Variants in EYA1 observed in about 807,000 individuals in gnomAD.
EYA1 encodes the protein protein phosphatase EYA1.
In EYA1, 16 loss-of-function variants were observed where a neutral mutation model predicts 82.0. That is an observed-to-expected ratio of 0.20 (90% CI 0.13 to 0.30). EYA1 has a LOEUF of 0.30. Ranked by LOEUF, EYA1 falls within the 10% of genes least tolerant of loss-of-function variation. EYA1 has a pLI of 1.00. For synonymous variants in EYA1, 261 were observed against 264.4 expected, an observed-to-expected ratio of 0.99 and a Z score of 0.12; for missense variants, 633 against 730.7, an observed-to-expected ratio of 0.87 and a Z score of 1.54.
intron 9 of EYA1, among the ~76,000 whole-genome samples, chr8:71,298,426 G>A (rs1296544753): frequency 6.6e-6 from 1 of 152,176 alleles, no homozygotes; most frequent in Non-Finnish European, 1.5e-5. Context: ...ACCATTAAGA[G>A]TTCTAGAAAG....
At chr8:71,279,969 AC>A (rs1275660599) in intron 9 of EYA1, among the ~76,000 whole-genome samples, 1 of 152,016 alleles carries the variant, frequency 6.6e-6, no homozygotes, top group Non-Finnish European at 1.5e-5. Context: ...CAACCATTCC[AC>A]TCTGCTGTCA....
chr8:71,246,236 AT>A (rs1813073663), intron 11 of EYA1, among the ~76,000 whole-genome samples: 1 of 152,176 alleles, frequency 6.6e-6, no homozygotes, highest in African/African-American at 2.4e-5. Flanking sequence ...ATGATATACT[AT>A]TTTATTGTCA....
chr8:71,546,823 A>C (rs1026945084), intron 1 of EYA1, among the ~76,000 whole-genome samples: 4 of 152,106 alleles, frequency 2.6e-5, no homozygotes, highest in Non-Finnish European at 5.9e-5. Context: ...TGAATATATA[A>C]TCAATTCACG....
intron 2 of EYA1, among the ~76,000 whole-genome samples, chr8:71,472,920 G>A (rs528515191): frequency 2.0e-5 from 3 of 151,452 alleles, no homozygotes; most frequent in African/African-American, 7.2e-5. Context: ...TGGGGTGGGA[G>A]AAGAGTATAT....
intron 11 of EYA1, among the ~76,000 whole-genome samples, chr8:71,260,622 C>T (rs768711885): frequency 5.8e-4 from 89 of 152,144 alleles, no homozygotes; most frequent in Non-Finnish European, 9.0e-4. Context: ...TTTCAGAAAG[C>T]ATGACTAGTT....
chr8:71,266,551 A>T (rs1399481827), intron 11 of EYA1, among the ~76,000 whole-genome samples: 1 of 152,200 alleles, frequency 6.6e-6, no homozygotes, highest in Non-Finnish European at 1.5e-5. Flanking sequence ...CTGGCCAGGA[A>T]AAGACACCTC....
chr8:71,259,611 C>A (rs1356572745), intron 11 of EYA1, among the ~76,000 whole-genome samples: 1 of 152,172 alleles, frequency 6.6e-6, no homozygotes, highest in South Asian at 2.1e-4. Context: ...TAGTGGCAAA[C>A]ACCAACCCCT....
chr8:71,396,030 G>A (rs1829589215), intron 2 of EYA1, among the ~76,000 whole-genome samples: 1 of 152,154 alleles, frequency 6.6e-6, no homozygotes. Flanking sequence ...GAGGGTGTAT[G>A]TGTCGAGGAA....
At chr8:71,495,156 T>C (rs1344922129) in intron 2 of EYA1, among the ~76,000 whole-genome samples, 1 of 152,252 alleles carries the variant, frequency 6.6e-6, no homozygotes, top group East Asian at 1.9e-4. Context: ...AGTGATTCCA[T>C]AAAATTTCCT....
chr8:71,482,588 G>T (rs1430782281), intron 2 of EYA1, among the ~76,000 whole-genome samples: 1 of 152,156 alleles, frequency 6.6e-6, no homozygotes, highest in Non-Finnish European at 1.5e-5. Flanking sequence ...ACATTTACAA[G>T]TATGTTCATG....
chr8:71,356,717 C>T, intron 1 of EYA1: 2 of 1,241,300 alleles, frequency 1.6e-6, no homozygotes, highest in South Asian at 3.3e-5. Flanking sequence ...CTCCTCCTCC[C>T]CTTGTCAGGG....
intron 2 of EYA1, among the ~76,000 whole-genome samples, chr8:71,438,611 A>G (rs937042329): frequency 3.3e-5 from 5 of 152,178 alleles, no homozygotes; most frequent in Non-Finnish European, 7.3e-5. Flanking sequence ...TGATGCCTTC[A>G]TGAAGCATGT....
At chr8:71,404,918 A>AG (rs1830139966) in intron 2 of EYA1, 1 of 81,660 alleles carries the variant, frequency 1.2e-5, no homozygotes, top group Non-Finnish European at 2.2e-5. Flanking sequence ...ACTCCACCTC[A>AG]AAAAAAAAAA....
chr8:71,539,322 C>T (rs1453322121), intron 1 of EYA1, among the ~76,000 whole-genome samples: 1 of 152,064 alleles, frequency 6.6e-6, no homozygotes, highest in African/African-American at 2.4e-5. Flanking sequence ...CTGTATGAGA[C>T]CATCTAAGAA....
At chr8:71,421,259 G>A (rs1391011387) in intron 2 of EYA1, among the ~76,000 whole-genome samples, 1 of 152,136 alleles carries the variant, frequency 6.6e-6, no homozygotes, top group Non-Finnish European at 1.5e-5. Flanking sequence ...GAATCCCCCT[G>A]AAACTTAGAT....
At chr8:71,202,723 G>T (rs998057924) in intron 17 of EYA1, among the ~76,000 whole-genome samples, 3 of 152,300 alleles carry the variant, frequency 2.0e-5, no homozygotes, top group East Asian at 1.9e-4. Flanking sequence ...CACAAGGATA[G>T]CAACTCTATC....
intron 11 of EYA1, among the ~76,000 whole-genome samples, chr8:71,250,577 G>T (rs1398879499): frequency 6.6e-6 from 1 of 152,154 alleles, no homozygotes; most frequent in African/African-American, 2.4e-5. Flanking sequence ...GTTTTAGTAT[G>T]AAACTGTTAT....
rs76555584 is a variant in EYA1, at chr8:71,435,792, T to C, written c.34-79281A>G. 5.6e-3 allele frequency among the ~76,000 whole-genome samples: 851 copies of C among 152,236 alleles called. 9 individuals are homozygous for C. The highest frequency in any genetic ancestry group is 0.02 in the African/African-American group (823 of 41,564). On this transcript the variant is annotated intron_variant, in intron 2 of 18. Coordinates refer to the EYA1 transcript ENST00000643681. ...AAATGTCCTGATTCAGAGCCTTCTC[T>C]TGGCAATATTCAAACCACTTCAGTG...
At chr8:71,508,527 C>T (rs1812365270) in intron 2 of EYA1, among the ~76,000 whole-genome samples, 1 of 152,182 alleles carries the variant, frequency 6.6e-6, no homozygotes, top group Non-Finnish European at 1.5e-5. Flanking sequence ...AACCTAATCA[C>T]CAATATGAGT....
Sources: allele counts gnomAD v4.1 joint callset (sites outside exome capture counted in the v4.1 genomes callset), GRCh38; gene constraint gnomAD v4.1.1; transcripts MANE v1.5; gene names NCBI Gene and HGNC (gene_info 2026-07-23, HGNC 2026-07-21).